CFAP20DC: variants seen among roughly 807,000 people sequenced by gnomAD.
The protein encoded by CFAP20DC is protein CFAP20DC.
In CFAP20DC, 84 loss-of-function variants were observed where a neutral mutation model predicts 101.7. The ratio of observed to expected loss-of-function variants is 0.83; its 90% CI spans 0.69 to 0.99. The LOEUF is 0.99. Among genes scored for constraint, CFAP20DC ranks in the 50% least tolerant of loss-of-function variants. The pLI, the probability that CFAP20DC is intolerant of heterozygous loss-of-function variation, is 0.00. For missense variants in CFAP20DC, 1,007 were observed against 970.3 expected (o/e 1.04, Z -0.50); for synonymous variants, 359 against 351.2 (o/e 1.02, Z -0.25).
downstream of CFAP20DC, among the ~76,000 whole-genome samples, chr3:58,738,880 A>T (rs9817748): frequency 8.9e-3 from 1,356 of 152,320 alleles, 20 homozygotes; most frequent in African/African-American, 0.031. This position sits in a 1 kb window ranked among gnomAD's most constrained non-coding sequence, Gnocchi z 4.4. Context: ...TTTAAAAAAG[A>T]ACAGCTCAGA....
chr3:58,951,385 G>A (rs1396837520), intron 4 of CFAP20DC, among the ~76,000 whole-genome samples: 1 of 152,194 alleles, frequency 6.6e-6, no homozygotes, highest in Non-Finnish European at 1.5e-5. Flanking sequence ...AATACCATTT[G>A]ACCCAGCCAT....
At position 58,870,194 on chromosome 3, in the gene CFAP20DC, A is replaced by T; in HGVS notation, c.831T>A (p.Asn277Lys). ...LGPPPLSGRR[N>K]NMKISSETVR... ...CTACCTCGCTGGATATCTTCATGTTATTCCTTCTGCCAGAGAGTGGAGGTG... is the reference window on the plus strand; with the variant it reads ...CTACCTCGCTGGATATCTTCATGTTTTTCCTTCTGCCAGAGAGTGGAGGTG... The change falls in exon 8 of 17, where the codon AAT (asparagine) becomes AAA (lysine). Residue 277 changes from asparagine (N) to lysine (K), a missense_variant. Coordinates refer to ENST00000482387, the MANE Select transcript of CFAP20DC (RefSeq NM_001394063.1). The T allele has an allele frequency of 6.2e-7, 1 of 1,613,464 alleles. No individual in the cohort carries two copies. The highest frequency in any genetic ancestry group is 8.5e-7 in the Non-Finnish European group (1 of 1,179,712).
rs935532768 is a variant in CFAP20DC, at chr3:58,882,371, T to C, written c.715+2174A>G. Among the ~76,000 whole-genome samples, 21 of 152,178 alleles carry C rather than the reference T, an allele frequency of 1.4e-4. No homozygotes were observed. Among genetic ancestry groups the C allele is most frequent in the Non-Finnish European group, 2.9e-4 (20 of 68,012 alleles). ...ATTATAAGTGTCCTTCAAATTTAAATTGAAAAAGACACTTAAAATATCGGG... is the reference window on the plus strand; with the variant it reads ...ATTATAAGTGTCCTTCAAATTTAAACTGAAAAAGACACTTAAAATATCGGG... On this transcript the variant is annotated intron_variant, in intron 7 of 16. Transcript: ENST00000482387. This position sits in a 1 kb window ranked among gnomAD's most constrained non-coding sequence, Gnocchi z 4.2.
intron 14 of CFAP20DC, among the ~76,000 whole-genome samples, chr3:58,817,397 A>C (rs1254594189): frequency 6.6e-6 from 1 of 150,924 alleles, no homozygotes; most frequent in Non-Finnish European, 1.5e-5. Context: ...TTCGAAAAAA[A>C]TTTAGAAGAA....
At chr3:58,768,556 C>T (rs1040742737) in intron 15 of CFAP20DC, among the ~76,000 whole-genome samples, 10 of 152,168 alleles carry the variant, frequency 6.6e-5, no homozygotes. Flanking sequence ...TGCCATTATC[C>T]TAGTCTATGT....
At chr3:58,746,507 A>G (rs1032119610) in intron 16 of CFAP20DC, among the ~76,000 whole-genome samples, 3 of 152,232 alleles carry the variant, frequency 2.0e-5, no homozygotes, top group Non-Finnish European at 4.4e-5. Context: ...GAAAACAACC[A>G]TTGTAATGGC....
intron 14 of CFAP20DC, among the ~76,000 whole-genome samples, chr3:58,816,412 G>A (rs1185582448): frequency 1.3e-5 from 2 of 152,184 alleles, no homozygotes; most frequent in Non-Finnish European, 2.9e-5. Flanking sequence ...GCCAGACAGT[G>A]GGCACAGGCC....
chr3:58,782,088 G>T (rs879785154), intron 15 of CFAP20DC, among the ~76,000 whole-genome samples: 1 of 151,866 alleles, frequency 6.6e-6, no homozygotes, highest in African/African-American at 2.4e-5. Flanking sequence ...AAGATCAAGC[G>T]GGATTTATCC....
At chr3:58,937,610 G>T in intron 5 of CFAP20DC, 38 bp downstream of exon 5, 1 of 1,231,768 alleles carries the variant, frequency 8.1e-7, no homozygotes, top group South Asian at 1.2e-5. Flanking sequence ...TTGTTGAATT[G>T]AATTTAATAT....
At chr3:58,942,387 T>TG (rs2088731161) in intron 4 of CFAP20DC, among the ~76,000 whole-genome samples, 1 of 152,208 alleles carries the variant, frequency 6.6e-6, no homozygotes. Flanking sequence ...CTCATTTCAC[T>TG]GGGACTGGTT....
chr3:58,816,997 G>C (rs1303061168), intron 14 of CFAP20DC, among the ~76,000 whole-genome samples: 2 of 152,290 alleles, frequency 1.3e-5, no homozygotes, highest in African/African-American at 2.4e-5. Context: ...CCCCCGAGCA[G>C]CCTAACTGGG....
intron 7 of CFAP20DC, among the ~76,000 whole-genome samples, chr3:58,870,862 T>C (rs1385739202): frequency 3.7e-5 from 4 of 108,770 alleles, no homozygotes; most frequent in African/African-American, 1.4e-4. Flanking sequence ...CAGTCCGCAG[T>C]CCGGCCTGGG....
At chr3:58,904,471 G>T (rs2083422471) in intron 6 of CFAP20DC, among the ~76,000 whole-genome samples, 1 of 152,016 alleles carries the variant, frequency 6.6e-6, no homozygotes, top group African/African-American at 2.4e-5. Flanking sequence ...CTAGGAAAGG[G>T]CATTTTGAGT....
At chr3:58,990,773 G>T (rs1290879795) in intron 4 of CFAP20DC, among the ~76,000 whole-genome samples, 1 of 151,934 alleles carries the variant, frequency 6.6e-6, no homozygotes, top group East Asian at 1.9e-4. Context: ...GTGTGTGTGT[G>T]TGTGTGTGTG....
At chr3:58,811,445 G>T (rs565000350) in intron 14 of CFAP20DC, among the ~76,000 whole-genome samples, 44 of 152,140 alleles carry the variant, frequency 2.9e-4, no homozygotes, top group Non-Finnish European at 5.9e-4. Flanking sequence ...AGAAAAACAA[G>T]CAATGGGGAA....
At chr3:58,880,324 T>C (rs981992322) in intron 7 of CFAP20DC, among the ~76,000 whole-genome samples, 2 of 152,162 alleles carry the variant, frequency 1.3e-5, no homozygotes, top group Non-Finnish European at 2.9e-5. Context: ...TGAAACAACA[T>C]TCTTGGTTTC....
chr3:58,789,881 T>C (rs1394163667), intron 15 of CFAP20DC, among the ~76,000 whole-genome samples: 4 of 152,186 alleles, frequency 2.6e-5, no homozygotes, highest in African/African-American at 9.6e-5. Flanking sequence ...ATGGTGTTAC[T>C]GAGCTGCTAT....
intron 15 of CFAP20DC, among the ~76,000 whole-genome samples, chr3:58,786,962 A>G (rs1409922700): frequency 1.3e-5 from 2 of 151,938 alleles, no homozygotes; most frequent in African/African-American, 4.8e-5. Context: ...TAGCATATAT[A>G]GGGTTTGGCA....
chr3:58,870,382 A>C lies in CFAP20DC; in HGVS notation c.716-73T>G. 2.0e-6 allele frequency: 3 copies of C among 1,490,796 alleles called. No homozygotes were observed. The South Asian group carries it at 3.5e-5, about 18-fold the overall frequency. 92.3% of individuals were successfully genotyped at this position (1,490,796 alleles called of 1,614,324 possible). ...ACAAACATCACACTGCAATCTTTCT[A>C]AAAATCCAGTCCAGGTGCCATAGGA... On this transcript the variant is annotated intron_variant, in intron 7 of 16. Coordinates refer to ENST00000482387, the MANE Select transcript of CFAP20DC (RefSeq NM_001394063.1).
Sources: gnomAD v4.1 joint callset for allele counts (sites outside exome capture counted in the v4.1 genomes callset) on GRCh38, gnomAD v4.1.1 for gene constraint, Gnocchi (gnomAD v3.1) non-coding constraint, MANE v1.5 for transcripts, NCBI Gene and HGNC (gene_info 2026-07-23, HGNC 2026-07-21) for gene names.